Variants in DCC observed in about 807,000 individuals in gnomAD.
DCC encodes DCC netrin 1 receptor, also known as netrin receptor DCC.
In DCC, 58 loss-of-function variants were observed where a neutral mutation model predicts 172.5. The ratio of observed to expected loss-of-function variants is 0.34; its 90% CI spans 0.27 to 0.42. The LOEUF is 0.42. DCC is among the 10% of genes least tolerant of loss of function. The pLI, the probability that DCC is intolerant of heterozygous loss-of-function variation, is 1.00. For synonymous variants in DCC, 709 were observed against 644.5 expected, an observed-to-expected ratio of 1.10 and a Z score of -1.52; for missense variants, 1,740 against 1,791.0, an observed-to-expected ratio of 0.97 and a Z score of 0.51.
intron 19 of DCC, 80 bp downstream of exon 19, chr18:53,402,973 C>A (rs955526360): frequency 4.1e-6 from 4 of 979,646 alleles, no homozygotes; most frequent in Non-Finnish European, 6.6e-6. Flanking sequence ...CTGCTCCTGC[C>A]TTTCGTGTGG....
intron 12 of DCC, among the ~76,000 whole-genome samples, chr18:53,222,430 G>A (rs557263590): frequency 7.3e-6 from 1 of 137,696 alleles, no homozygotes; most frequent in African/African-American, 2.7e-5. Flanking sequence ...TGTCACCCAG[G>A]CTGCAGTGCA....
chr18:52,371,141 A>C (rs1283833561), intron 1 of DCC, among the ~76,000 whole-genome samples: 1 of 127,938 alleles, frequency 7.8e-6, no homozygotes, highest in African/African-American at 3.4e-5. Flanking sequence ...TGAAAGGACC[A>C]TCTTTTGGCT....
intron 1 of DCC, among the ~76,000 whole-genome samples, chr18:52,367,345 G>A (rs2144287697): frequency 6.6e-6 from 1 of 152,316 alleles, no homozygotes; most frequent in East Asian, 1.9e-4. Context: ...CCAGAAAGGG[G>A]CTCCTACAGT....
rs1221977724 is a variant in DCC, at chr18:52,950,794, G to A, written c.985+25424G>A. On this transcript the variant is annotated intron_variant, in intron 5 of 28. Coordinates refer to ENST00000442544, the MANE Select transcript of DCC (RefSeq NM_005215.4). ...AAAAAAATTAGCTGGGCGTGGTGGC[G>A]GGCGCCTGTAGTCCCAGCTACTCGG... Among the ~76,000 whole-genome samples the A allele has an allele frequency of 5.9e-5, 9 of 151,638 alleles. No homozygotes were observed. In the South Asian group the frequency reaches 1.5e-3, roughly 25 times the overall value.
At chr18:52,483,514 T>C (rs1200224645) in intron 1 of DCC, among the ~76,000 whole-genome samples, 1 of 152,132 alleles carries the variant, frequency 6.6e-6, no homozygotes, top group East Asian at 1.9e-4. Context: ...ACAATTTGTC[T>C]TGAAATAGAC....
At chr18:53,421,044 CAGA>C (rs1173933114) in intron 21 of DCC, among the ~76,000 whole-genome samples, 1 of 152,174 alleles carries the variant, frequency 6.6e-6, no homozygotes, top group Non-Finnish European at 1.5e-5. Context: ...TAGTGTCTCA[CAGA>C]AGCATTTTAG....
chr18:52,524,200 CA>C (rs1393030248), intron 1 of DCC, among the ~76,000 whole-genome samples: 1 of 152,040 alleles, frequency 6.6e-6, no homozygotes, highest in African/African-American at 2.4e-5. Flanking sequence ...AAAGTTAAGA[CA>C]AAAAATTCCT....
At position 52,363,977 on chromosome 18, in the gene DCC, C is replaced by T. The variant is rs568166642; in HGVS notation, c.91+23099C>T. On this transcript the variant is annotated intron_variant, in intron 1 of 28. Transcript: ENST00000442544. ...CCATCTACACTGTGCAACATGGCAC[C>T]CCATGGCCCATGTGCCTTCTGTGCT... 2.6e-5 allele frequency among the ~76,000 whole-genome samples: 4 copies of T among 152,310 alleles called. No homozygotes were observed. In the East Asian group the frequency reaches 7.7e-4, roughly 29 times the overall value.
chr18:53,212,386 G>A (rs1035107956), intron 11 of DCC, among the ~76,000 whole-genome samples: 8 of 152,046 alleles, frequency 5.3e-5, no homozygotes, highest in Admixed American at 3.3e-4. Flanking sequence ...CAATCGATAT[G>A]GATTCTCTTC....
rs183442397 is a variant in DCC, at chr18:53,049,528, A to G, written c.986-13777A>G. ...GCATTATTTCTGGGCTCTCTATTCT[A>G]TTTTATTTGTCTAAGTGTCTGCTTT... is the stretch of plus-strand genomic sequence containing the variant. On this transcript the variant is annotated intron_variant, in intron 5 of 28. Transcript: ENST00000442544. 1.2e-3 allele frequency among the ~76,000 whole-genome samples: 178 copies of G among 151,850 alleles called. 1 individual carries two copies. The highest frequency in any genetic ancestry group is 2.0e-3 in the Non-Finnish European group (138 of 67,896).
chr18:53,416,880 C>T (rs532533344), intron 21 of DCC, among the ~76,000 whole-genome samples: 1 of 152,258 alleles, frequency 6.6e-6, no homozygotes, highest in South Asian at 2.1e-4. Context: ...ATTCCGTTAT[C>T]TTTACACAAA....
chr18:53,393,236 T>A (rs1415864550), intron 17 of DCC, among the ~76,000 whole-genome samples: 1 of 152,198 alleles, frequency 6.6e-6, no homozygotes, highest in East Asian at 1.9e-4. Flanking sequence ...CCCATAGCCA[T>A]GCTGGATCTT....
intron 1 of DCC, among the ~76,000 whole-genome samples, chr18:52,602,457 A>AT (rs1419568952): frequency 1.4e-5 from 2 of 146,846 alleles, no homozygotes; most frequent in Admixed American, 6.9e-5. Flanking sequence ...TTAAATGCTC[A>AT]TTTTTCCCTC....
chr18:53,317,014 T>A (rs1414808907), intron 13 of DCC, among the ~76,000 whole-genome samples: 2 of 152,240 alleles, frequency 1.3e-5, no homozygotes, highest in Non-Finnish European at 2.9e-5. Context: ...AGGGCATCCT[T>A]GTCTTGTGCC....
intron 1 of DCC, among the ~76,000 whole-genome samples, chr18:52,455,226 A>G (rs1006011260): frequency 6.6e-6 from 1 of 152,150 alleles, no homozygotes; most frequent in African/African-American, 2.4e-5. Flanking sequence ...AACCTTCATC[A>G]TCGTGTTTCA....
rs945615888 is a variant in DCC, at chr18:53,137,093, T to G, written c.1262-20263T>G. ...TATTGACCTACATGATAGACTGATA[T>G]ATTCATTTTCAATTAGTGTATAACA... On this transcript the variant is annotated intron_variant, in intron 7 of 28. Coordinates refer to ENST00000442544, the MANE Select transcript of DCC (RefSeq NM_005215.4). 3.3e-5 allele frequency among the ~76,000 whole-genome samples: 5 copies of G among 152,354 alleles called. No individual in the cohort carries two copies. In the East Asian group the frequency reaches 7.7e-4, roughly 24 times the overall value.
At chr18:52,528,515 G>C (rs1371106561) in intron 1 of DCC, among the ~76,000 whole-genome samples, 2 of 152,164 alleles carry the variant, frequency 1.3e-5, no homozygotes, top group African/African-American at 2.4e-5. Flanking sequence ...GTTACTGCCA[G>C]GTTCTCAAAG....
intron 1 of DCC, among the ~76,000 whole-genome samples, chr18:52,532,432 C>T (rs11660316): frequency 6.6e-6 from 1 of 152,102 alleles, no homozygotes; most frequent in African/African-American, 2.4e-5. Context: ...GCCAATTGTT[C>T]TGTGTAGTAT....
intron 1 of DCC, among the ~76,000 whole-genome samples, chr18:52,565,993 C>T (rs557692025): frequency 7.2e-5 from 11 of 152,200 alleles, no homozygotes; most frequent in African/African-American, 2.6e-4. Flanking sequence ...AGTCTTAAAT[C>T]CATCTTGAGT....
Sources: allele counts gnomAD v4.1 joint callset (sites outside exome capture counted in the v4.1 genomes callset), GRCh38; gene constraint gnomAD v4.1.1; transcripts MANE v1.5; gene names NCBI Gene and HGNC (gene_info 2026-07-23, HGNC 2026-07-21).